The following RGS12 variants were observed in gnomAD, a reference collection of about 807,000 sequenced individuals.
RGS12 encodes regulator of G protein signaling 12.
In RGS12, 66 loss-of-function variants were observed where a neutral mutation model predicts 120.1. That is an observed-to-expected ratio of 0.55 (90% confidence interval 0.45 to 0.67). The LOEUF (loss-of-function observed/expected upper bound fraction) is 0.67. Among genes scored for constraint, RGS12 ranks in the 30% least tolerant of loss-of-function variants. The probability of loss-of-function intolerance (pLI) is 0.00; values close to 1 mark genes in which losing one functional copy is unlikely to be tolerated. For synonymous variants in RGS12, 827 were observed against 804.7 expected (o/e 1.03, Z -0.47); for missense variants, 1,859 against 1,957.7 (o/e 0.95, Z 0.95).
chr4:3,320,156 A>G (rs889741398), intron 2 of RGS12, among the ~76,000 whole-genome samples: 1 of 152,226 alleles, frequency 6.6e-6, no homozygotes, highest in African/African-American at 2.4e-5. Flanking sequence ...TGACCTGGAC[A>G]GTGGGGAGTA....
intron 2 of RGS12, among the ~76,000 whole-genome samples, chr4:3,341,072 G>A (rs1713036962): frequency 1.3e-5 from 2 of 150,994 alleles, no homozygotes; most frequent in South Asian, 4.2e-4. Flanking sequence ...CCCTCCCCGA[G>A]CATCCTCTCG....
chr4:3,378,223 G>T (rs1283910810), intron 3 of RGS12: 1 of 152,138 alleles, frequency 6.6e-6, no homozygotes, highest in East Asian at 1.9e-4. Flanking sequence ...GTCATATGGA[G>T]AAATGGGGTC....
chr4:3,323,872 TGAGA>T (rs72232319), intron 2 of RGS12: 53,664 of 138,416 alleles, frequency 0.39, 10,191 homozygotes, highest in South Asian at 0.5. Flanking sequence ...TGTGTGTGTG[TGAGA>T]GAGAGAGAGA....
At chr4:3,309,519 C>T (rs867229824) in intron 1 of RGS12, among the ~76,000 whole-genome samples, 109 of 131,994 alleles carry the variant, frequency 8.3e-4, no homozygotes, top group South Asian at 2.2e-3. Context: ...TGGCAGGTGT[C>T]CTCTGAGGAG....
chr4:3,361,527 T>C (rs1232976160), intron 3 of RGS12, among the ~76,000 whole-genome samples: 1 of 152,108 alleles, frequency 6.6e-6, no homozygotes, highest in Non-Finnish European at 1.5e-5. Context: ...GCCTGGGACC[T>C]GGGCGCATGA....
intron 3 of RGS12, among the ~76,000 whole-genome samples, chr4:3,359,835 C>T (rs910859216): frequency 1.3e-5 from 2 of 152,026 alleles, no homozygotes; most frequent in Non-Finnish European, 2.9e-5. Flanking sequence ...GTTGGCCAGG[C>T]TGGTCTCGAA....
At chr4:3,404,989 G>T (rs541963443) in intron 4 of RGS12, among the ~76,000 whole-genome samples, 19 of 152,352 alleles carry the variant, frequency 1.2e-4, no homozygotes, top group African/African-American at 4.1e-4. Context: ...CAGCCTGAAG[G>T]AGGGACTGAG....
chr4:3,367,833 CGGAGGCCCTGTTGTT>C (rs1298707849), intron 3 of RGS12, among the ~76,000 whole-genome samples: 4 of 152,318 alleles, frequency 2.6e-5, no homozygotes, highest in Non-Finnish European at 2.9e-5. Flanking sequence ...CAGGAGAACC[CGGAGGCCCTGTTGTT>C]GGAGGCCCTG....
chr4:3,387,090 T>G (rs942676475), intron 4 of RGS12, among the ~76,000 whole-genome samples: 25 of 152,218 alleles, frequency 1.6e-4, no homozygotes, highest in Admixed American at 3.3e-4. Flanking sequence ...ATATTCCTCT[T>G]TTCTTCTAAC....
rs201625702 is a variant in RGS12 at position 3,297,206 on chromosome 4, A to C, written c.-102+4107A>C. 9.9e-4 allele frequency among the ~76,000 whole-genome samples: 150 copies of C among 152,094 alleles called. 1 individual carries two copies. Among genetic ancestry groups the C allele is most frequent in the African/African-American group, 3.5e-3 (144 of 41,468 alleles). On this transcript the variant is annotated intron_variant, in intron 1 of 17. Coordinates refer to ENST00000336727, the MANE Select transcript of RGS12 (RefSeq NM_001394154.1). The stretch of plus-strand genomic sequence containing the variant: ...ATGGTGATACCCGATACGCATACAC[A>C]CTCTACTCACATATCTTTTCCTACA...
At position 3,386,454 on chromosome 4, in the gene RGS12, G is replaced by A; in HGVS notation, c.2020+17G>A. On this transcript the variant is annotated intron_variant, in intron 4 of 17. Coordinates refer to ENST00000336727, the MANE Select transcript of RGS12 (RefSeq NM_001394154.1). The stretch of plus-strand genomic sequence containing the variant: ...CTGATGGCGGTAAGTCACAATTTCT[G>A]ATGTATATATTTTTTATTTTTCATA... The A allele has an allele frequency of 6.3e-7, 1 of 1,599,700 alleles. No homozygotes were observed. The highest frequency in any genetic ancestry group is 1.1e-5 in the South Asian group (1 of 90,490).
chr4:3,420,615 G>T (rs368485564), intron 9 of RGS12, 27 bp from the exon 10 acceptor site: 19 of 1,609,450 alleles, frequency 1.2e-5, no homozygotes, highest in Non-Finnish European at 1.6e-5. Flanking sequence ...TCTGATTGAC[G>T]TGAGTCACTG....
chr4:3,434,284 G>T (rs1379681412), intron 17 of RGS12, among the ~76,000 whole-genome samples: 1 of 152,050 alleles, frequency 6.6e-6, no homozygotes, highest in Non-Finnish European at 1.5e-5. Flanking sequence ...CAGCATGGGG[G>T]GACCTGCCCC....
intron 3 of RGS12, among the ~76,000 whole-genome samples, chr4:3,384,169 T>C (rs1718564520): frequency 6.6e-6 from 1 of 152,322 alleles, no homozygotes; most frequent in African/African-American, 2.4e-5. Flanking sequence ...TATTTATTTA[T>C]TTTAAGACGG....
At chr4:3,352,585 G>A (rs888898470) in intron 3 of RGS12, among the ~76,000 whole-genome samples, 1 of 152,172 alleles carries the variant, frequency 6.6e-6, no homozygotes, top group African/African-American at 2.4e-5. Flanking sequence ...GAAGATAAAG[G>A]TTTCTAATGG....
chr4:3,413,825 T>C, intron 4 of RGS12: 1 of 489,482 alleles, frequency 2.0e-6, no homozygotes, highest in Admixed American at 3.4e-5. Context: ...TGTGAACATG[T>C]GTGTGTGCTC....
chr4:3,340,939 C>T (rs1180565113), intron 2 of RGS12, among the ~76,000 whole-genome samples: 1 of 152,096 alleles, frequency 6.6e-6, no homozygotes, highest in Non-Finnish European at 1.5e-5. Context: ...GCCGGTCCAT[C>T]TGGCACCTGG....
intron 13 of RGS12, 91 bp downstream of exon 13, chr4:3,423,732 C>G (rs1560171960): frequency 6.8e-7 from 1 of 1,474,734 alleles, no homozygotes; most frequent in Non-Finnish European, 9.1e-7. Context: ...GAGGGCACAC[C>G]AAGAAGCGGT....
intron 6 of RGS12, 95 bp downstream of exon 6, chr4:3,414,939 C>CGT: frequency 1.3e-6 from 1 of 764,276 alleles, no homozygotes; most frequent in Non-Finnish European, 2.1e-6. Flanking sequence ...GTGTGAGGGG[C>CGT]ATGTGAGGGG....
Sources: allele counts gnomAD v4.1 joint callset (sites outside exome capture counted in the v4.1 genomes callset), GRCh38; gene constraint gnomAD v4.1.1; transcripts MANE v1.5; gene names NCBI Gene and HGNC (gene_info 2026-07-23, HGNC 2026-07-21).